PLEKHG1: variants seen among roughly 807,000 people sequenced by gnomAD.
PLEKHG1 encodes pleckstrin homology domain-containing family G member 1.
In PLEKHG1, 44 loss-of-function variants were observed where a neutral mutation model predicts 100.8. The ratio of observed to expected loss-of-function variants is 0.44; its 90% CI spans 0.34 to 0.56. The LOEUF (loss-of-function observed/expected upper bound fraction) is 0.56, where lower values mean the gene tolerates loss of function less well. PLEKHG1 is among the 20% of genes least tolerant of loss of function. The pLI is 0.01. For synonymous variants in PLEKHG1, 640 were observed against 662.5 expected (o/e 0.97, Z 0.52); for missense variants, 1,545 against 1,720.9 (o/e 0.90, Z 1.81).
At chr6:150,719,791 C>A (rs1444864661), upstream of PLEKHG1, among the ~76,000 whole-genome samples, 1 of 152,174 alleles carries the variant, frequency 6.6e-6, no homozygotes, top group African/African-American at 2.4e-5. Context: ...GACCCTGCCT[C>A]TCAAACTGCC....
chr6:150,793,789 A>G (rs1786140885), intron 4 of PLEKHG1, among the ~76,000 whole-genome samples: 1 of 152,198 alleles, frequency 6.6e-6, no homozygotes, highest in Non-Finnish European at 1.5e-5. Flanking sequence ...AGGGCATATT[A>G]AATGAAACCA....
At chr6:150,786,289 C>G in intron 3 of PLEKHG1, 101 bp from the exon 5 acceptor site, 1 of 777,032 alleles carries the variant, frequency 1.3e-6, no homozygotes, top group Non-Finnish European at 2.2e-6. Flanking sequence ...TATATGATTC[C>G]TTGTAAATGC....
intron 3 of PLEKHG1, among the ~76,000 whole-genome samples, chr6:150,709,000 T>C (rs1395915832): frequency 6.6e-6 from 1 of 152,192 alleles, no homozygotes; most frequent in Non-Finnish European, 1.5e-5. Context: ...GAGTTTTCTA[T>C]TGATAATAGT....
intron 3 of PLEKHG1, among the ~76,000 whole-genome samples, chr6:150,659,604 C>T (rs967310239): frequency 5.9e-5 from 9 of 152,170 alleles, no homozygotes; most frequent in African/African-American, 1.7e-4. Context: ...GGAGCAGCAG[C>T]GGGAGTAATA....
intron 3 of PLEKHG1, among the ~76,000 whole-genome samples, chr6:150,714,565 CT>C (rs1309929997): frequency 8.5e-5 from 13 of 152,108 alleles, no homozygotes; most frequent in Admixed American, 8.5e-4. Flanking sequence ...GAATAATAGG[CT>C]TTGTTTGTTC....
At chr6:150,795,207 A>G (rs1786248309) in intron 4 of PLEKHG1, among the ~76,000 whole-genome samples, 1 of 151,804 alleles carries the variant, frequency 6.6e-6, no homozygotes, top group African/African-American at 2.4e-5. Context: ...TGGCCAACAT[A>G]GCAAAACCCC....
intron 2 of PLEKHG1, among the ~76,000 whole-genome samples, chr6:150,745,696 A>G (rs1783123633): frequency 1.3e-5 from 2 of 151,950 alleles, no homozygotes; most frequent in African/African-American, 2.4e-5. Flanking sequence ...AAAAAAAAAA[A>G]AGCAAAATCA....
At chr6:150,672,742 G>C (rs187945759) in intron 3 of PLEKHG1, among the ~76,000 whole-genome samples, 1 of 152,308 alleles carries the variant, frequency 6.6e-6, no homozygotes. Flanking sequence ...AAGTTTGAGT[G>C]AGAAGAAAGT....
chr6:150,835,269 G>A (rs766894286), intron 15 of PLEKHG1, among the ~76,000 whole-genome samples: 2 of 152,130 alleles, frequency 1.3e-5, no homozygotes, highest in African/African-American at 2.4e-5. Context: ...GAGCAAGGAG[G>A]CCTTTGGGTT....
intron 3 of PLEKHG1, among the ~76,000 whole-genome samples, chr6:150,779,307 A>G (rs1215696411): frequency 6.6e-6 from 1 of 150,914 alleles, no homozygotes; most frequent in Non-Finnish European, 1.5e-5. Context: ...ATCCGAACAT[A>G]CAATTTAAAA....
At chr6:150,761,854 C>CA (rs1432167062) in intron 2 of PLEKHG1, among the ~76,000 whole-genome samples, 1 of 152,076 alleles carries the variant, frequency 6.6e-6, no homozygotes, top group African/African-American at 2.4e-5. Context: ...GAAGAGCTGC[C>CA]ACCTCCTGCC....
chr6:150,634,193 G>A (rs1449132026), intron 1 of PLEKHG1, among the ~76,000 whole-genome samples: 1 of 148,928 alleles, frequency 6.7e-6, no homozygotes, highest in East Asian at 2.0e-4. Flanking sequence ...GCAGTGAGCT[G>A]AGATCGAGCC....
chr6:150,838,633 G>A (rs992141343), intron 15 of PLEKHG1, among the ~76,000 whole-genome samples: 12 of 152,266 alleles, frequency 7.9e-5, no homozygotes, highest in African/African-American at 2.6e-4. Context: ...TTTGCTAGCC[G>A]AAGAGAATCC....
chr6:150,830,429 C>T (rs1429758422), intron 14 of PLEKHG1, among the ~76,000 whole-genome samples, 153 bp from the exon 16 acceptor site: 2 of 152,008 alleles, frequency 1.3e-5, no homozygotes, highest in East Asian at 3.9e-4. Flanking sequence ...TTGAGATTAG[C>T]CTGGGTAACA....
rs188023923 is a variant in PLEKHG1 at position 150,775,062 on chromosome 6, A to T, written c.512+6324A>T. Among the ~76,000 whole-genome samples, 8 of 152,250 alleles carry T rather than the reference A, an allele frequency of 5.3e-5. No individual in the cohort carries two copies. In the East Asian group the frequency reaches 1.5e-3, roughly 29 times the overall value. ...TTTTTGTGTTCTTTTTGATACCCAAATATCTCTTTCTCTTACAATCCCTAT... is the reference window on the plus strand; with the variant it reads ...TTTTTGTGTTCTTTTTGATACCCAATTATCTCTTTCTCTTACAATCCCTAT... On this transcript the variant is annotated intron_variant, in intron 3 of 15. Coordinates refer to ENST00000358517, the Ensembl canonical transcript of PLEKHG1.
At chr6:150,692,818 T>C (rs1299870732) in intron 3 of PLEKHG1, among the ~76,000 whole-genome samples, 5 of 152,188 alleles carry the variant, frequency 3.3e-5, no homozygotes, top group Admixed American at 2.0e-4. Flanking sequence ...CAAACTGAAA[T>C]TAATTAGTTA....
chr6:150,764,117 C>CTT (rs67507838), intron 2 of PLEKHG1, among the ~76,000 whole-genome samples: 27,266 of 145,278 alleles, frequency 0.19, 4,643 homozygotes, highest in African/African-American at 0.43. Context: ...TTTTCTTTTT[C>CTT]TTTTTCTTTT....
intron 2 of PLEKHG1, among the ~76,000 whole-genome samples, chr6:150,737,281 A>ATTTT (rs34129872): frequency 8.5e-6 from 1 of 117,030 alleles, no homozygotes; most frequent in Non-Finnish European, 1.8e-5. Flanking sequence ...TCATATGGGT[A>ATTTT]TTTTTTTTTT....
chr6:150,641,576 T>C (rs73004316), intron 2 of PLEKHG1, among the ~76,000 whole-genome samples: 1,692 of 152,250 alleles, frequency 0.011, 15 homozygotes, highest in Middle Eastern at 0.041. Context: ...ACAGTTCCCC[T>C]TTTTTTAGAA....
Sources: allele counts gnomAD v4.1 joint callset (sites outside exome capture counted in the v4.1 genomes callset), GRCh38; gene constraint gnomAD v4.1.1; transcripts MANE v1.5; gene names NCBI Gene and HGNC (gene_info 2026-07-23, HGNC 2026-07-21).